Variants in TRAPPC3L observed in about 807,000 individuals in gnomAD.
TRAPPC3L encodes the protein trafficking protein particle complex subunit 3L.
A neutral mutation model predicts 23.7 loss-of-function variants in TRAPPC3L; 23 were observed. The observed-to-expected ratio is 0.97, with a 90% confidence interval of 0.70 to 1.37. The LOEUF is 1.37. Among genes scored for constraint, TRAPPC3L ranks in the 40% most tolerant of loss-of-function variants. The probability of loss-of-function intolerance (pLI) is 0.00; values close to 1 mark genes in which losing one functional copy is unlikely to be tolerated. For missense variants in TRAPPC3L, 212 were observed against 216.8 expected (o/e 0.98, Z 0.14); for synonymous variants, 81 against 77.9 (o/e 1.04, Z -0.21).
intron 1 of TRAPPC3L, among the ~76,000 whole-genome samples, chr6:116,544,066 G>T (rs1773620644): frequency 6.6e-6 from 1 of 151,030 alleles, no homozygotes; most frequent in Non-Finnish European, 1.5e-5. Flanking sequence ...TCAATGAAAA[G>T]TCTGCTCAAC....
chr6:116,499,491 T>G (rs987259063), intron 4 of TRAPPC3L, among the ~76,000 whole-genome samples: 1 of 152,226 alleles, frequency 6.6e-6, no homozygotes, highest in Non-Finnish European at 1.5e-5. Flanking sequence ...AATATAAAAA[T>G]CTGAATTTCC....
chr6:116,529,572 C>T (rs957147700), intron 3 of TRAPPC3L, among the ~76,000 whole-genome samples: 2 of 152,280 alleles, frequency 1.3e-5, no homozygotes, highest in South Asian at 4.1e-4. Context: ...TTCGTATCTG[C>T]CTTCAGTGTC....
rs778012951 is a variant in TRAPPC3L at position 116,500,780 on chromosome 6, C to A, written c.241-114G>T. 3.0e-5 allele frequency: 27 copies of A among 894,888 alleles called. 1 individual carries two copies. The South Asian group carries it at 4.2e-4, about 14-fold the overall frequency. 55.4% of individuals were successfully genotyped at this position (894,888 alleles called of 1,614,324 possible). ...AGCACAATGGTTAAGCACATGGAGT[C>A]TATAGTCAGGAAGTCCGGCTTCACC... On this transcript the variant is annotated intron_variant, in intron 3 of 4. Transcript: ENST00000368602.
intron 3 of TRAPPC3L, among the ~76,000 whole-genome samples, chr6:116,535,570 G>GT (rs1773023395): frequency 6.6e-6 from 1 of 152,152 alleles, no homozygotes; most frequent in East Asian, 1.9e-4. Context: ...AACTAAGGAG[G>GT]TTTTTTGGCT....
At chr6:116,497,107 T>C (rs1771844225) in intron 4 of TRAPPC3L, 34 bp from the exon 5 acceptor site, 2 of 1,501,330 alleles carry the variant, frequency 1.3e-6, no homozygotes, top group Non-Finnish European at 1.8e-6. Flanking sequence ...CCTGTGTCAT[T>C]CAATTAAAAA....
intron 3 of TRAPPC3L, among the ~76,000 whole-genome samples, chr6:116,535,641 A>G (rs926998536): frequency 2.6e-5 from 4 of 152,244 alleles, no homozygotes; most frequent in Admixed American, 6.5e-5. Context: ...ACAGAAAGAC[A>G]TATAGGTCTG....
intron 3 of TRAPPC3L, among the ~76,000 whole-genome samples, chr6:116,527,452 T>C (rs1772470349): frequency 6.7e-6 from 1 of 149,880 alleles, no homozygotes; most frequent in Non-Finnish European, 1.5e-5. Flanking sequence ...GAGGCGGAGC[T>C]TGCAGTGAGC....
intron 3 of TRAPPC3L, chr6:116,521,342 C>T (rs923494048): frequency 2.0e-5 from 3 of 151,982 alleles, no homozygotes; most frequent in Admixed American, 1.3e-4. Context: ...TAGGGTGGCT[C>T]AAGTCCCAGT....
At chr6:116,515,895 G>T (rs780134265) in intron 3 of TRAPPC3L, 1 of 1,613,912 alleles carries the variant, frequency 6.2e-7, no homozygotes, top group Non-Finnish European at 8.5e-7. Flanking sequence ...CAACACTATA[G>T]CACCCTCCAC....
chr6:116,543,863 C>T (rs1334744594), intron 1 of TRAPPC3L: 2 of 1,532,978 alleles, frequency 1.3e-6, no homozygotes, highest in African/African-American at 1.4e-5. Context: ...CCAAATGTAG[C>T]AGCAAATTTG....
At chr6:116,501,541 G>A (rs561108231) in intron 3 of TRAPPC3L, among the ~76,000 whole-genome samples, 28 of 152,314 alleles carry the variant, frequency 1.8e-4, no homozygotes, top group East Asian at 3.9e-4. Flanking sequence ...TTTGAGCTCC[G>A]ATAACAGACA....
intron 3 of TRAPPC3L, among the ~76,000 whole-genome samples, chr6:116,525,085 C>T (rs1175567913): frequency 2.6e-5 from 4 of 152,196 alleles, no homozygotes; most frequent in Admixed American, 6.5e-5. Flanking sequence ...TTCCATCACA[C>T]AAATTCTGCC....
At chr6:116,522,284 A>G (rs1772359984) in intron 3 of TRAPPC3L, 3 of 152,256 alleles carry the variant, frequency 2.0e-5, no homozygotes. Context: ...AGTCCTTGCC[A>G]TGTCCTATCC....
At chr6:116,511,638 T>TG in intron 3 of TRAPPC3L, 8 of 1,530,374 alleles carry the variant, frequency 5.2e-6, no homozygotes, top group Non-Finnish European at 7.1e-6. Context: ...CCTCGGCCAC[T>TG]GCCACAGCTG....
At chr6:116,523,426 T>C (rs2115175750) in intron 3 of TRAPPC3L, 1 of 152,378 alleles carries the variant, frequency 6.6e-6, no homozygotes, top group South Asian at 2.1e-4. Flanking sequence ...TCTGAGTACG[T>C]GAAAAGCTAT....
intron 1 of TRAPPC3L, among the ~76,000 whole-genome samples, chr6:116,544,837 A>G (rs1773676224): frequency 6.6e-6 from 1 of 152,130 alleles, no homozygotes; most frequent in Non-Finnish European, 1.5e-5. Flanking sequence ...CAGTCTCCTG[A>G]CATAATTAAC....
intron 3 of TRAPPC3L, chr6:116,515,802 A>G (rs1409887888): frequency 6.2e-7 from 1 of 1,613,908 alleles, no homozygotes; most frequent in Non-Finnish European, 8.5e-7. Flanking sequence ...TTTTTTGAAA[A>G]CAAGAGGCCA....
At chr6:116,544,485 C>T (rs1198950438) in intron 1 of TRAPPC3L, among the ~76,000 whole-genome samples, 5 of 152,040 alleles carry the variant, frequency 3.3e-5, no homozygotes, top group African/African-American at 1.2e-4. Context: ...AAATCCATAC[C>T]ACAGATGCCA....
At chr6:116,538,937 G>A (rs1385875481) in intron 3 of TRAPPC3L, among the ~76,000 whole-genome samples, 2 of 151,868 alleles carry the variant, frequency 1.3e-5, no homozygotes, top group South Asian at 2.1e-4. Flanking sequence ...CACCATGTTG[G>A]CCAGGCTGGT....
Sources: gnomAD v4.1 joint callset for allele counts (sites outside exome capture counted in the v4.1 genomes callset) on GRCh38, gnomAD v4.1.1 for gene constraint, MANE v1.5 for transcripts, NCBI Gene and HGNC (gene_info 2026-07-23, HGNC 2026-07-21) for gene names.